The following PIEZO2 variants were observed in gnomAD, a reference collection of about 807,000 sequenced individuals.
PIEZO2 encodes the protein piezo-type mechanosensitive ion channel component 2.
PIEZO2 carries 172 observed loss-of-function variants against 337.3 expected under a neutral mutation model. The observed-to-expected ratio is 0.51, with a 90% CI of 0.45 to 0.58. The LOEUF is 0.58. PIEZO2 is among the 20% of genes least tolerant of loss of function. PIEZO2 has a pLI of 0.00. For synonymous variants in PIEZO2, 1,251 were observed against 1,228.5 expected (o/e 1.02, Z -0.38); for missense variants, 3,028 against 3,391.3 (o/e 0.89, Z 2.66).
chr18:10,787,188 C>T lies in PIEZO2; in HGVS notation c.2170-4G>A. On this transcript the variant is annotated splice_polypyrimidine_tract_variant and splice_region_variant and intron_variant, in intron 15 of 55. Transcript: ENST00000674853. ...TCCTCCACCATTCATAGTGCACCTG[C>T]AAATCAGACATTGAAAAAAAAAAAT... 4 of 1,479,832 alleles carry T rather than the reference C, an allele frequency of 2.7e-6. No homozygotes were observed. The highest frequency in any genetic ancestry group is 2.7e-6 in the Non-Finnish European group (3 of 1,126,020). The allele number at this position is 1,479,832 out of a possible 1,614,324, so 91.7% of individuals were successfully genotyped here.
intron 2 of PIEZO2, among the ~76,000 whole-genome samples, chr18:11,034,483 T>C (rs570220535): frequency 8.5e-5 from 13 of 152,054 alleles, no homozygotes; most frequent in Non-Finnish European, 1.3e-4. Context: ...TTAGTAGAGA[T>C]GGGGTTTCGC....
chr18:11,015,242 T>C (rs1387727407), intron 2 of PIEZO2, among the ~76,000 whole-genome samples: 1 of 150,754 alleles, frequency 6.6e-6, no homozygotes, highest in Non-Finnish European at 1.5e-5. Flanking sequence ...GTGGGGAAGA[T>C]GTCACCCTGG....
At chr18:11,058,557 A>C (rs1036625170) in intron 2 of PIEZO2, among the ~76,000 whole-genome samples, 1 of 152,188 alleles carries the variant, frequency 6.6e-6, no homozygotes, top group African/African-American at 2.4e-5. Context: ...TAACTAGAAT[A>C]ACCAGTGCAG....
intron 43 of PIEZO2, among the ~76,000 whole-genome samples, chr18:10,701,222 A>T (rs1278180124): frequency 6.6e-6 from 1 of 152,268 alleles, no homozygotes; most frequent in African/African-American, 2.4e-5. Context: ...CAAGAGGTAT[A>T]TTCATACATA....
intron 1 of PIEZO2, among the ~76,000 whole-genome samples, chr18:11,121,216 C>T (rs947510694): frequency 6.6e-6 from 1 of 150,876 alleles, no homozygotes; most frequent in Admixed American, 6.7e-5. Flanking sequence ...CGGGCCACTG[C>T]GTTCCATCCT....
chr18:10,899,121 T>C lies in PIEZO2; in HGVS notation c.329+12065A>G, dbSNP rs927337227. ...CTAGCAAAGGGAAGCATGGGCTCTATAGTTAAAAAGACCTAACTGCCTTCG... is the reference window on the plus strand; with the variant it reads ...CTAGCAAAGGGAAGCATGGGCTCTACAGTTAAAAAGACCTAACTGCCTTCG... On this transcript the variant is annotated intron_variant, in intron 4 of 55. Transcript: ENST00000674853. This position sits in a 1 kb window ranked among gnomAD's most constrained non-coding sequence, Gnocchi z 4.6. Among the ~76,000 whole-genome samples, 3 of 152,306 alleles carry C rather than the reference T, an allele frequency of 2.0e-5. No homozygotes were observed. Among genetic ancestry groups the C allele is most frequent in the East Asian group, 1.9e-4 (1 of 5,176 alleles).
rs1400900839 is a variant in PIEZO2, at chr18:10,815,613, A to G, written c.918-8339T>C. Among the ~76,000 whole-genome samples the G allele has an allele frequency of 1.3e-5, 2 of 152,208 alleles. No homozygotes were observed. The highest frequency in any genetic ancestry group is 2.9e-5 in the Non-Finnish European group (2 of 68,030). On this transcript the variant is annotated intron_variant, in intron 7 of 55. Transcript: ENST00000674853. This position sits in a 1 kb window ranked among gnomAD's most constrained non-coding sequence, Gnocchi z 4.1. ...ATAGATATCAATTTCTTCCTTGTAT[A>G]AAAGTATAGATGTATATAGTTCAAG...
intron 4 of PIEZO2, among the ~76,000 whole-genome samples, chr18:10,883,614 G>A (rs1173043724): frequency 6.6e-6 from 1 of 152,044 alleles, no homozygotes; most frequent in Non-Finnish European, 1.5e-5. Context: ...TCATGGGAAG[G>A]ACACTTAAAA....
chr18:10,858,877 A>G (rs56740693), intron 5 of PIEZO2, among the ~76,000 whole-genome samples: 42,234 of 152,050 alleles, frequency 0.28, 5,852 homozygotes, highest in African/African-American at 0.32. Flanking sequence ...ACTGTATTTC[A>G]TCATGACACA....
At chr18:10,884,257 T>C (rs970432665) in intron 4 of PIEZO2, among the ~76,000 whole-genome samples, 4 of 152,256 alleles carry the variant, frequency 2.6e-5, no homozygotes, top group African/African-American at 9.6e-5. Context: ...GGCTGAATAA[T>C]ATTCCATTGA....
chr18:10,856,861 C>T lies in PIEZO2; in HGVS notation c.703+140G>A. The T allele has an allele frequency of 1.2e-6, 1 of 800,994 alleles. No homozygotes were observed. Among genetic ancestry groups the T allele is most frequent in the Admixed American group, 2.7e-5 (1 of 36,646 alleles). 49.6% of individuals were successfully genotyped at this position (800,994 alleles called of 1,614,324 possible). On this transcript the variant is annotated intron_variant, in intron 6 of 55. Transcript: ENST00000674853. The surrounding 1 kb of genome is among the most constrained non-coding windows in gnomAD (Gnocchi z 4.7). ...ATTTTGTGTGGTTTGTACATGTGGC[C>T]AGTTTTACAAGAGCTACAGTTATGA... is the stretch of plus-strand genomic sequence containing the variant.
Position 10,775,511 on chromosome 18 carries a change from T to C in PIEZO2, c.2535-1473A>G, listed in dbSNP as rs953896376. 1.3e-5 allele frequency among the ~76,000 whole-genome samples: 2 copies of C among 152,198 alleles called. No individual in the cohort carries two copies. The highest frequency in any genetic ancestry group is 2.9e-5 in the Non-Finnish European group (2 of 68,034). ...TCAGAGTGAATCTTAAAGGTCTACATTGACACTGCTGCAATCTCATACGAC... is the reference window on the plus strand; with the variant it reads ...TCAGAGTGAATCTTAAAGGTCTACACTGACACTGCTGCAATCTCATACGAC... On this transcript the variant is annotated intron_variant, in intron 18 of 55. Transcript: ENST00000674853. The surrounding 1 kb of genome is among the most constrained non-coding windows in gnomAD (Gnocchi z 4.3).
intron 2 of PIEZO2, among the ~76,000 whole-genome samples, chr18:11,008,719 T>C (rs1229005812): frequency 6.6e-6 from 1 of 152,220 alleles, no homozygotes; most frequent in Non-Finnish European, 1.5e-5. Context: ...CTGCATGCTA[T>C]ATGCCAGAAT....
At chr18:11,015,132 C>A (rs1259119800) in intron 2 of PIEZO2, among the ~76,000 whole-genome samples, 1 of 144,968 alleles carries the variant, frequency 6.9e-6, no homozygotes, top group Admixed American at 6.7e-5. Flanking sequence ...GAACATGTCA[C>A]CCTGGGTGAG....
At chr18:11,043,336 A>G (rs2145816979) in intron 2 of PIEZO2, among the ~76,000 whole-genome samples, 1 of 152,336 alleles carries the variant, frequency 6.6e-6, no homozygotes, top group South Asian at 2.1e-4. Context: ...CAGCACATAC[A>G]TTTAAATTTC....
intron 1 of PIEZO2, among the ~76,000 whole-genome samples, chr18:11,084,656 G>C (rs960658769): frequency 6.6e-6 from 1 of 152,058 alleles, no homozygotes; most frequent in East Asian, 1.9e-4. Context: ...GCTTTTGTTT[G>C]CTATTTTCTT....
chr18:10,727,046 G>C lies in PIEZO2; in HGVS notation c.5029+4361C>G. 1 of 636,670 alleles carries C rather than the reference G, an allele frequency of 1.6e-6. No homozygotes were observed. 39.4% of individuals were successfully genotyped at this position (636,670 alleles called of 1,614,324 possible). Reference sequence around the variant, plus strand: ...TTCCACGGTCTGGGTGTTTCTTGGGGGGTGTTGGGAGGGCAGGAGCATTCC... The same window carrying C: ...TTCCACGGTCTGGGTGTTTCTTGGGCGGTGTTGGGAGGGCAGGAGCATTCC... On this transcript the variant is annotated intron_variant, in intron 36 of 55. Transcript: ENST00000674853. This position sits in a 1 kb window ranked among gnomAD's most constrained non-coding sequence, Gnocchi z 6.3.
chr18:10,997,612 AC>A (rs2035373334), intron 2 of PIEZO2, among the ~76,000 whole-genome samples: 1 of 152,236 alleles, frequency 6.6e-6, no homozygotes, highest in Admixed American at 6.5e-5. Flanking sequence ...CAGAAAAAAT[AC>A]AACACTGTAT....
At chr18:10,801,064 T>C (rs2039795072) in intron 10 of PIEZO2, among the ~76,000 whole-genome samples, 1 of 152,244 alleles carries the variant, frequency 6.6e-6, no homozygotes, top group African/African-American at 2.4e-5. Flanking sequence ...GGCTTTACAA[T>C]TTTTGAGATA....
Sources: allele counts gnomAD v4.1 joint callset (sites outside exome capture counted in the v4.1 genomes callset), GRCh38; gene constraint gnomAD v4.1.1; non-coding constraint Gnocchi (gnomAD v3.1); transcripts MANE v1.5; gene names NCBI Gene and HGNC (gene_info 2026-07-23, HGNC 2026-07-21).